Variants in MTCH2 observed in about 807,000 individuals in gnomAD.
The protein encoded by MTCH2 is mitochondrial carrier 2, also known as mitochondrial carrier homolog 2.
In MTCH2, 25 loss-of-function variants were observed where a neutral mutation model predicts 50.6. The ratio of observed to expected loss-of-function variants is 0.49; its 90% CI spans 0.36 to 0.69. The LOEUF is 0.69. Ranked by LOEUF, MTCH2 falls within the 30% of genes least tolerant of loss-of-function variation. The pLI is 0.00. For synonymous variants in MTCH2, 106 were observed against 132.0 expected, an observed-to-expected ratio of 0.80 and a Z score of 1.35; for missense variants, 273 against 384.4, an observed-to-expected ratio of 0.71 and a Z score of 2.42.
chr11:47,605,482 G>T, the MTCH2 span, among the ~76,000 whole-genome samples: 1 of 151,900 alleles, frequency 6.6e-6, no homozygotes, highest in Non-Finnish European at 1.5e-5. Context: ...TCATCCTGCT[G>T]GTTTCAGCCC....
intron 4 of MTCH2, 35 bp from the exon 5 acceptor site, chr11:47,634,769 ATTTTTTTTTT>A: frequency 1.2e-5 from 9 of 739,710 alleles, no homozygotes; most frequent in South Asian, 1.2e-4. Context: ...AGAGATCTTG[ATTTTTTTTTT>A]TTTTTTTTTT....
intron 3 of MTCH2, 59 bp from the exon 4 acceptor site, chr11:47,635,630 A>T: frequency 6.6e-7 from 1 of 1,518,950 alleles, no homozygotes; most frequent in East Asian, 2.2e-5. Context: ...GAAAGAAGAC[A>T]TAAAATGAAA....
At chr11:47,607,665 ACAAGCTCTAAGAAGC>A in the MTCH2 span, among the ~76,000 whole-genome samples, 1 of 152,188 alleles carries the variant, frequency 6.6e-6, no homozygotes, top group African/African-American at 2.4e-5. Flanking sequence ...CTCTGGAATC[ACAAGCTCTAAGAAGC>A]CATGTGAGTG....
At chr11:47,624,990 AG>A (rs1180658362) in intron 11 of MTCH2, among the ~76,000 whole-genome samples, 1 of 152,200 alleles carries the variant, frequency 6.6e-6, no homozygotes, top group Non-Finnish European at 1.5e-5. Context: ...TGGGAAGCTG[AG>A]GCATGAGAAC....
the MTCH2 span, among the ~76,000 whole-genome samples, chr11:47,611,579 T>TAA: frequency 6.6e-6 from 1 of 152,348 alleles, no homozygotes; most frequent in Non-Finnish European, 1.5e-5. Context: ...AGGCTGGTGT[T>TAA]ACAAACTTTT....
At chr11:47,634,766 TTGA>T in intron 4 of MTCH2, 32 bp from the exon 5 acceptor site, 3 of 1,306,510 alleles carry the variant, frequency 2.3e-6, no homozygotes, top group East Asian at 2.5e-5. Flanking sequence ...AATAGAGATC[TTGA>T]TTTTTTTTTT....
downstream of MTCH2, among the ~76,000 whole-genome samples, chr11:47,613,354 T>C (rs2097286629): frequency 6.6e-6 from 1 of 152,080 alleles, no homozygotes; most frequent in South Asian, 2.1e-4. Context: ...TCTTTGTATT[T>C]AAAAAAACAA....
chr11:47,605,554 T>C, the MTCH2 span, among the ~76,000 whole-genome samples: 1 of 152,216 alleles, frequency 6.6e-6, no homozygotes, highest in Non-Finnish European at 1.5e-5. Context: ...CCAACAGTGG[T>C]GCCTTCTGCA....
Position 47,630,557 on chromosome 11 carries a change from G to A in MTCH2, c.537C>T (p.Phe179=), listed in dbSNP as rs772293593. Residue 179 remains phenylalanine (F), a splice_region_variant and synonymous_variant, in exon 8 of 13, where the codon TTC becomes TTT. Coordinates refer to ENST00000302503, the MANE Select transcript of MTCH2 (RefSeq NM_014342.4). ...IYREEGILGF[F]AGLVPRLLGD... ...CACACTAATCAACATTTACTCACGC[G>A]AAAAATCCTAGAATGCCCTCTTCCC... is the stretch of plus-strand genomic sequence containing the variant. 19 of 1,610,782 alleles carry A rather than the reference G, an allele frequency of 1.2e-5. No homozygotes were observed. The highest frequency in any genetic ancestry group is 1.6e-4 in the Middle Eastern group (1 of 6,078).
At chr11:47,638,219 T>C (rs1193988424) in intron 3 of MTCH2, among the ~76,000 whole-genome samples, 1 of 151,132 alleles carries the variant, frequency 6.6e-6, no homozygotes, top group Non-Finnish European at 1.5e-5. Flanking sequence ...TTTGGCTAGA[T>C]GACAACTGCC....
chr11:47,604,941 T>G, the MTCH2 span, among the ~76,000 whole-genome samples: 7 of 152,118 alleles, frequency 4.6e-5, no homozygotes, highest in East Asian at 3.9e-4. Context: ...TTTTTTTTGT[T>G]TTTTTTTGAG....
intron 12 of MTCH2, among the ~76,000 whole-genome samples, chr11:47,622,010 T>C (rs1429841515): frequency 1.3e-5 from 2 of 152,088 alleles, no homozygotes; most frequent in African/African-American, 2.4e-5. Flanking sequence ...GCTGGGACTA[T>C]AGGTGCTATG....
chr11:47,638,484 TG>T (rs2097310793), intron 3 of MTCH2, among the ~76,000 whole-genome samples: 1 of 122,132 alleles, frequency 8.2e-6, no homozygotes, highest in Admixed American at 9.3e-5. Context: ...AGGCGGAGTT[TG>T]CAGTGAGCCC....
the MTCH2 span, among the ~76,000 whole-genome samples, chr11:47,608,405 G>A: frequency 6.6e-6 from 1 of 152,204 alleles, no homozygotes; most frequent in South Asian, 2.1e-4. Context: ...AGATGAGGAG[G>A]TGGACAGAAA....
intron 6 of MTCH2, among the ~76,000 whole-genome samples, chr11:47,631,296 C>G (rs2153799770): frequency 6.6e-6 from 1 of 152,214 alleles, no homozygotes; most frequent in South Asian, 2.1e-4. Flanking sequence ...GTAATCCCAG[C>G]TCCTTAGGAG....
chr11:47,613,912 C>T (rs770697264), downstream of MTCH2, among the ~76,000 whole-genome samples: 11 of 151,994 alleles, frequency 7.2e-5, no homozygotes, highest in South Asian at 2.1e-4. Flanking sequence ...GGTGAAAGCC[C>T]GTCTCTACTA....
chr11:47,623,084 A>G (rs1166973356), intron 11 of MTCH2, among the ~76,000 whole-genome samples: 2 of 152,068 alleles, frequency 1.3e-5, no homozygotes, highest in African/African-American at 2.4e-5. Context: ...AGAGCAGGGA[A>G]AGGTGGCCGG....
intron 6 of MTCH2, 56 bp downstream of exon 6, chr11:47,631,598 G>A: frequency 6.5e-7 from 1 of 1,550,034 alleles, no homozygotes. Flanking sequence ...ACCTATCTAA[G>A]TGGTCAGGAG....
rs746958049 is a variant in MTCH2 at position 47,627,109 on chromosome 11, T to A, written c.652A>T (p.Met218Leu). 2 of 1,602,684 alleles carry A rather than the reference T, an allele frequency of 1.2e-6. No homozygotes were observed. The highest frequency in any genetic ancestry group is 8.5e-7 in the Non-Finnish European group (1 of 1,171,910). Residue 218 changes from methionine to leucine, a missense_variant, in exon 10 of 13, where the codon ATG becomes TTG. By Grantham distance (15) the Met-to-Leu change is conservative. Around this residue, in one of 2 missense-constraint regions of MTCH2, gnomAD observed 70 missense variants for 140.1 expected, o/e 0.50. Coordinates refer to ENST00000302503, the MANE Select transcript of MTCH2 (RefSeq NM_014342.4). ...LDSGVSTMNE[M>L]KSYSQAVTGF... ...GTGACAGCTTGAGAATAACTCTTCA[T>A]TTCATTCATGGTAGAAACCTAAAAT...
Sources: allele counts gnomAD v4.1 joint callset (sites outside exome capture counted in the v4.1 genomes callset), GRCh38; gene constraint gnomAD v4.1.1; regional missense constraint gnomAD v4.1.1; transcripts MANE v1.5; gene names NCBI Gene and HGNC (gene_info 2026-07-23, HGNC 2026-07-21).